Variants in PAIP2B observed in about 807,000 individuals in gnomAD.
PAIP2B encodes polyadenylate-binding protein-interacting protein 2B.
In PAIP2B, 13 loss-of-function variants were observed where a neutral mutation model predicts 17.0. The ratio of observed to expected loss-of-function variants is 0.76; its 90% CI spans 0.50 to 1.22. The LOEUF (loss-of-function observed/expected upper bound fraction) is 1.22, where lower values mean the gene tolerates loss of function less well. Among genes scored for constraint, PAIP2B ranks in the 50% most tolerant of loss-of-function variants. The pLI is 0.00. For synonymous variants in PAIP2B, 43 were observed against 48.7 expected (o/e 0.88, Z 0.48); for missense variants, 117 against 144.5 (o/e 0.81, Z 0.98).
intron 1 of PAIP2B, among the ~76,000 whole-genome samples, chr2:71,218,307 G>T (rs1675485235): frequency 6.6e-6 from 1 of 151,114 alleles, no homozygotes; most frequent in Non-Finnish European, 1.5e-5. Context: ...AAAGAAAAAT[G>T]ATAAAAAAGA....
intron 1 of PAIP2B, among the ~76,000 whole-genome samples, chr2:71,211,394 G>C (rs1309823031): frequency 6.6e-6 from 1 of 152,060 alleles, no homozygotes; most frequent in Non-Finnish European, 1.5e-5. Context: ...GATTTGTTAG[G>C]CCTGAGCCAA....
intron 2 of PAIP2B, among the ~76,000 whole-genome samples, chr2:71,197,476 T>C (rs545866703): frequency 2.6e-5 from 4 of 152,312 alleles, no homozygotes; most frequent in South Asian, 2.1e-4. Context: ...GAAAGTCTGA[T>C]GATTATGTGT....
chr2:71,207,874 TA>T (rs1480841276), intron 1 of PAIP2B, among the ~76,000 whole-genome samples: 1 of 151,710 alleles, frequency 6.6e-6, no homozygotes, highest in African/African-American at 2.4e-5. Context: ...GGCGTGGGGG[TA>T]AAAAAGGTGA....
chr2:71,214,329 G>A (rs1675375370), intron 1 of PAIP2B, among the ~76,000 whole-genome samples: 1 of 152,180 alleles, frequency 6.6e-6, no homozygotes, highest in East Asian at 1.9e-4. Flanking sequence ...TAAAAATGGG[G>A]TTCGGAGAAC....
At chr2:71,204,131 T>C (rs930407015) in intron 1 of PAIP2B, among the ~76,000 whole-genome samples, 7 of 151,954 alleles carry the variant, frequency 4.6e-5, no homozygotes, top group Non-Finnish European at 1.0e-4. Flanking sequence ...ACAAGCAAGA[T>C]TGAGTTTTAT....
chr2:71,225,544 ATTCTCC>A (rs1338917013), intron 1 of PAIP2B, among the ~76,000 whole-genome samples: 2 of 152,272 alleles, frequency 1.3e-5, no homozygotes, highest in East Asian at 3.9e-4. Context: ...AAACCTGTAT[ATTCTCC>A]CCACCCCGAT....
intron 1 of PAIP2B, among the ~76,000 whole-genome samples, chr2:71,212,812 G>A (rs1675334706): frequency 6.6e-6 from 1 of 151,918 alleles, no homozygotes; most frequent in Admixed American, 6.6e-5. Flanking sequence ...GGAGCTCAGT[G>A]GTGCAATCAT....
At chr2:71,196,506 T>TG (rs1193429015) in intron 2 of PAIP2B, among the ~76,000 whole-genome samples, 1 of 152,198 alleles carries the variant, frequency 6.6e-6, no homozygotes, top group Non-Finnish European at 1.5e-5. Context: ...TGGAGACTTC[T>TG]GTAAAGGTCT....
intron 2 of PAIP2B, among the ~76,000 whole-genome samples, chr2:71,196,307 A>G (rs1314755857): frequency 1.3e-5 from 2 of 152,046 alleles, no homozygotes; most frequent in Non-Finnish European, 2.9e-5. Flanking sequence ...TCTAATTTCC[A>G]TGTAATTGTA....
chr2:71,189,861 T>G lies in PAIP2B; in HGVS notation c.299A>C (p.Asp100Ala). ...GGCTCTTACCAAAATATCTTCAGAA[T>G]CATGACCTTCACTGACTGACAGTCC... ...LNGLSVSEGH[D>A]SEDILSKSNL... Residue 100 changes from aspartate (D) to alanine (A), a missense_variant, in exon 3 of 4, where the codon GAT becomes GCT. Physicochemically the swap from Asp to Ala is moderately radical, Grantham distance 126. Transcript: ENST00000244221. 1 of 1,554,406 alleles carries G rather than the reference T, an allele frequency of 6.4e-7. No individual in the cohort carries two copies. The highest frequency in any genetic ancestry group is 2.0e-5 in the Admixed American group (1 of 51,120).
rs1674594651 is a variant in PAIP2B at position 71,188,305 on chromosome 2, C to T, written c.*174G>A. Reference sequence around the variant, plus strand: ...AGAACAAAATAGAAATACTCAGAGGCTTAGAATAAGACTGAGCATATTAGT... The same window carrying T: ...AGAACAAAATAGAAATACTCAGAGGTTTAGAATAAGACTGAGCATATTAGT... On this transcript the variant is annotated 3_prime_UTR_variant, in exon 4 of 4. Coordinates refer to ENST00000244221, the MANE Select transcript of PAIP2B (RefSeq NM_020459.1). The T allele has an allele frequency of 7.0e-6, 4 of 575,158 alleles. No individual in the cohort carries two copies. The highest frequency in any genetic ancestry group is 9.3e-6 in the Non-Finnish European group (3 of 324,158). The allele number at this position is 575,158 out of a possible 1,614,324, so 35.6% of individuals were successfully genotyped here.
rs1282175288 is a variant in PAIP2B at position 71,184,691 on chromosome 2, C to G, written c.*3788G>C. On this transcript the variant is annotated 3_prime_UTR_variant, in exon 4 of 4. Transcript: ENST00000244221. Reference sequence around the variant, plus strand: ...GTGAGCAATGCAGGGTGCAATGAGTCACATGGGGAAATGTGGACAGAGGCA... The same window carrying G: ...GTGAGCAATGCAGGGTGCAATGAGTGACATGGGGAAATGTGGACAGAGGCA... 6.6e-6 allele frequency: 1 copy of G among 152,178 alleles called. No individual in the cohort carries two copies. The highest frequency in any genetic ancestry group is 1.5e-5 in the Non-Finnish European group (1 of 68,038). The allele number at this position is 152,178 out of a possible 1,614,324, so 9.4% of individuals were successfully genotyped here.
intron 2 of PAIP2B, among the ~76,000 whole-genome samples, 165 bp from the exon 3 acceptor site, chr2:71,190,186 G>A (rs1674651098): frequency 6.6e-6 from 1 of 152,178 alleles, no homozygotes; most frequent in South Asian, 2.1e-4. Flanking sequence ...TTGGGAGACT[G>A]AGGCAGGAGG....
At chr2:71,201,474 T>C (rs549391611) in intron 2 of PAIP2B, among the ~76,000 whole-genome samples, 2 of 152,120 alleles carry the variant, frequency 1.3e-5, no homozygotes, top group African/African-American at 4.8e-5. Context: ...CTCCACCTAT[T>C]GGTTTAAGCA....
At chr2:71,226,162 T>C (rs1675719330) in intron 1 of PAIP2B, among the ~76,000 whole-genome samples, 1 of 152,222 alleles carries the variant, frequency 6.6e-6, no homozygotes, top group Admixed American at 6.5e-5. Flanking sequence ...AAATGCCATT[T>C]GAAGGCAAAA....
At chr2:71,198,612 G>C (rs1242446667) in intron 2 of PAIP2B, among the ~76,000 whole-genome samples, 1 of 152,064 alleles carries the variant, frequency 6.6e-6, no homozygotes, top group East Asian at 1.9e-4. Context: ...TAGTAGAGAT[G>C]GGGTTTCATC....
rs746157522 is a variant in PAIP2B at position 71,189,992 on chromosome 2, G to C, written c.168C>G (p.Phe56Leu). 4 of 1,612,524 alleles carry C rather than the reference G, an allele frequency of 2.5e-6. No homozygotes were observed. Residue 56 changes from phenylalanine (F) to leucine (L), a missense_variant, in exon 3 of 4, where the codon TTC becomes TTG. By Grantham distance (22) the Phe-to-Leu change is conservative. Transcript: ENST00000244221. The stretch of plus-strand genomic sequence containing the variant: ...GCATCTCTTGGAAGCAGCGGTCCAA[G>C]AAGTCTTGCTCCTGCAGTTCCTCCT... Reference protein sequence around the residue: ...QVEEELQEQDFLDRCFQEMLD... With the variant: ...QVEEELQEQDLLDRCFQEMLD...
intron 2 of PAIP2B, among the ~76,000 whole-genome samples, chr2:71,198,951 A>C (rs543259101): frequency 1.3e-5 from 2 of 152,128 alleles, no homozygotes; most frequent in South Asian, 4.1e-4. Flanking sequence ...AATCTTGATG[A>C]TCTTTGTTCC....
intron 1 of PAIP2B, among the ~76,000 whole-genome samples, chr2:71,223,413 A>AAAAC (rs959221003): frequency 6.6e-6 from 1 of 151,804 alleles, no homozygotes; most frequent in Non-Finnish European, 1.5e-5. Flanking sequence ...CTCCATCTCA[A>AAAAC]AAACAAACAA....
Sources: allele counts gnomAD v4.1 joint callset (sites outside exome capture counted in the v4.1 genomes callset), GRCh38; gene constraint gnomAD v4.1.1; transcripts MANE v1.5; gene names NCBI Gene and HGNC (gene_info 2026-07-23, HGNC 2026-07-21).